UPF2: variants seen among roughly 807,000 people sequenced by gnomAD.
The protein encoded by UPF2 is regulator of nonsense transcripts 2.
In UPF2, 17 loss-of-function variants were observed where a neutral mutation model predicts 141.4. The observed-to-expected ratio is 0.12, with a 90% CI of 0.08 to 0.18. The LOEUF (loss-of-function observed/expected upper bound fraction) is 0.18. Among genes scored for constraint, UPF2 ranks in the 10% least tolerant of loss-of-function variants. The pLI is 1.00. For missense variants in UPF2, 1,152 were observed against 1,515.9 expected (o/e 0.76, Z 3.99); for synonymous variants, 540 against 498.0 (o/e 1.08, Z -1.12).
chr10:11,943,660 T>G (rs1832964673), intron 16 of UPF2, among the ~76,000 whole-genome samples: 1 of 152,164 alleles, frequency 6.6e-6, no homozygotes, highest in Non-Finnish European at 1.5e-5. Flanking sequence ...TACCCAAGTC[T>G]GAGGATGGAA....
rs183052466 is a variant in UPF2 at position 11,975,665 on chromosome 10, C to T, written c.1953+3392G>A. 1.6e-3 allele frequency among the ~76,000 whole-genome samples: 237 copies of T among 151,732 alleles called. 1 individual carries two copies. Among genetic ancestry groups the T allele is most frequent in the African/African-American group, 5.3e-3 (219 of 41,422 alleles). Reference sequence around the variant, plus strand: ...CTGGGATTACAGGCATGTGCCACCACGCCCGGCTAATTTTGTTGTTTTTTT... The same window carrying T: ...CTGGGATTACAGGCATGTGCCACCATGCCCGGCTAATTTTGTTGTTTTTTT... On this transcript the variant is annotated intron_variant, in intron 9 of 21. Transcript: ENST00000357604.
At chr10:11,982,648 C>G (rs976890341) in intron 8 of UPF2, among the ~76,000 whole-genome samples, 1 of 152,082 alleles carries the variant, frequency 6.6e-6, no homozygotes, top group Non-Finnish European at 1.5e-5. Context: ...TTTTTTGAGA[C>G]AGAGTTTCAC....
intron 4 of UPF2, among the ~76,000 whole-genome samples, chr10:12,008,463 T>C (rs1218349816): frequency 5.3e-5 from 8 of 151,582 alleles, no homozygotes; most frequent in African/African-American, 1.9e-4. Context: ...ACCCTATCTC[T>C]ACTAAAAATA....
intron 8 of UPF2, among the ~76,000 whole-genome samples, chr10:11,981,748 C>T (rs185620565): frequency 6.6e-6 from 1 of 151,972 alleles, no homozygotes; most frequent in Admixed American, 6.6e-5. Context: ...TGCAGTGGTA[C>T]AATCTCGGCT....
chr10:12,026,456 C>T (rs1834421254), intron 3 of UPF2, among the ~76,000 whole-genome samples: 1 of 151,888 alleles, frequency 6.6e-6, no homozygotes, highest in Non-Finnish European at 1.5e-5. Context: ...AACATGGAGA[C>T]GAGAAAAGGG....
At chr10:11,929,134 A>G (rs1033282090) in intron 21 of UPF2, among the ~76,000 whole-genome samples, 25 of 152,252 alleles carry the variant, frequency 1.6e-4, no homozygotes, top group Non-Finnish European at 2.4e-4. Flanking sequence ...GCGACAGAGC[A>G]AGACTGTGTC....
In UPF2 at chr10:12,014,311, A is replaced by G; in HGVS notation, c.1146-127T>C. On this transcript the variant is annotated intron_variant, in intron 3 of 21. Coordinates refer to ENST00000357604, the MANE Select transcript of UPF2 (RefSeq NM_015542.4). This position sits in a 1 kb window ranked among gnomAD's most constrained non-coding sequence, Gnocchi z 5.0. ...TTAGTAAAATCTTCATTTTTATTTA[A>G]CATTTGAATCTAGTATTTTCAAAAT... is the stretch of plus-strand genomic sequence containing the variant. The G allele has an allele frequency of 2.1e-6, 2 of 944,748 alleles. No homozygotes were observed. Among genetic ancestry groups the G allele is most frequent in the Non-Finnish European group, 2.8e-6 (2 of 719,796 alleles). The allele number at this position is 944,748 out of a possible 1,614,324, so 58.5% of individuals were successfully genotyped here. A position where few individuals can be genotyped will look rare whatever the true frequency, so the allele number is the denominator to read the frequency against.
At chr10:12,032,365 G>T (rs1172688222) in intron 2 of UPF2, among the ~76,000 whole-genome samples, 1 of 151,754 alleles carries the variant, frequency 6.6e-6, no homozygotes, top group Non-Finnish European at 1.5e-5. Flanking sequence ...ATTTTCAGCT[G>T]CATTGAAAAC....
Position 11,964,000 on chromosome 10 carries a change from A to T in UPF2, c.2184+9T>A. ...CCTCTAGCTCTTACCAGCATCCTCA[A>T]GCCCTTACCAAAAGTACACTGGTCC... On this transcript the variant is annotated intron_variant, in intron 11 of 21. Coordinates refer to ENST00000357604, the MANE Select transcript of UPF2 (RefSeq NM_015542.4). The T allele has an allele frequency of 1.2e-6, 2 of 1,600,392 alleles. No homozygotes were observed. The highest frequency in any genetic ancestry group is 1.7e-6 in the Non-Finnish European group (2 of 1,168,554).
At chr10:11,974,020 T>G (rs1370577670) in intron 9 of UPF2, among the ~76,000 whole-genome samples, 1 of 152,244 alleles carries the variant, frequency 6.6e-6, no homozygotes, top group African/African-American at 2.4e-5. Flanking sequence ...TCCGTGAGCA[T>G]GGAATGTTCT....
Position 11,927,386 on chromosome 10 carries a change from T to C in UPF2, c.3809+2479A>G, listed in dbSNP as rs896141894. ...CTGGTGCAAAAGTAATTGCAGTTTT[T>C]CCCATTACTTTTATTGGCAAAAACC... On this transcript the variant is annotated intron_variant, in intron 21 of 21. Transcript: ENST00000357604. Among the ~76,000 whole-genome samples, 4 of 152,360 alleles carry C rather than the reference T, an allele frequency of 2.6e-5. No homozygotes were observed. The South Asian group carries it at 6.2e-4, about 24-fold the overall frequency.
intron 8 of UPF2, among the ~76,000 whole-genome samples, chr10:11,986,673 A>G (rs1588554164): frequency 6.6e-6 from 1 of 152,348 alleles, no homozygotes; most frequent in African/African-American, 2.4e-5. Flanking sequence ...GCAGAAGATG[A>G]TTCCTAAAAA....
At chr10:12,027,667 C>A (rs966774283) in intron 3 of UPF2, among the ~76,000 whole-genome samples, 1 of 152,138 alleles carries the variant, frequency 6.6e-6, no homozygotes, top group Non-Finnish European at 1.5e-5. Context: ...ACACCTTTGC[C>A]GTCTTAAATT....
Position 11,920,273 on chromosome 10 carries a change from A to G in UPF2, c.*1025T>C, listed in dbSNP as rs1832622870. ...GCCTGCTGGAAAGCAAACCAAAGAC[A>G]GCTGTCCTAAGAAATTAACAGATTG... On this transcript the variant is annotated 3_prime_UTR_variant, in exon 22 of 22. Transcript: ENST00000357604. 6.6e-6 allele frequency: 1 copy of G among 152,188 alleles called. No homozygotes were observed. The highest frequency in any genetic ancestry group is 1.5e-5 in the Non-Finnish European group (1 of 68,028). 9.4% of individuals were successfully genotyped at this position (152,188 alleles called of 1,614,324 possible). A position where few individuals can be genotyped will look rare whatever the true frequency, so the allele number is the denominator to read the frequency against.
intron 21 of UPF2, among the ~76,000 whole-genome samples, chr10:11,928,235 G>A (rs1277585065): frequency 6.6e-6 from 1 of 152,100 alleles, no homozygotes; most frequent in African/African-American, 2.4e-5. Context: ...TACTTGGGAG[G>A]CTGAGGCAGG....
At chr10:11,944,195 GT>G (rs1832972434) in intron 16 of UPF2, among the ~76,000 whole-genome samples, 1 of 152,068 alleles carries the variant, frequency 6.6e-6, no homozygotes, top group Non-Finnish European at 1.5e-5. Flanking sequence ...AAATGAAAAC[GT>G]TTCAAAAACG....
intron 18 of UPF2, among the ~76,000 whole-genome samples, chr10:11,938,476 T>TA (rs1000356029): frequency 5.3e-5 from 8 of 152,182 alleles, no homozygotes; most frequent in African/African-American, 1.7e-4. Flanking sequence ...GCTGGACTGA[T>TA]AGACATTTAC....
intron 15 of UPF2, among the ~76,000 whole-genome samples, chr10:11,950,842 G>A (rs143319853): frequency 9.1e-4 from 138 of 152,320 alleles, no homozygotes; most frequent in African/African-American, 3.1e-3. Flanking sequence ...ATGCCTTTAC[G>A]GGTTAAGTTG....
At position 11,959,940 on chromosome 10, in the gene UPF2, A is replaced by G. The variant is rs1329673072; in HGVS notation, c.2185-584T>C. Among the ~76,000 whole-genome samples, 3 of 152,198 alleles carry G rather than the reference A, an allele frequency of 2.0e-5. No homozygotes were observed. Among genetic ancestry groups the G allele is most frequent in the Non-Finnish European group, 2.9e-5 (2 of 68,036 alleles). On this transcript the variant is annotated intron_variant, in intron 11 of 21. Transcript: ENST00000357604. This position sits in a 1 kb window ranked among gnomAD's most constrained non-coding sequence, Gnocchi z 5.9. ...TAAAATACTAGAGAACTTTACTACC[A>G]AGGTAACTTCTTTCATAACTTTGTG...
Sources: allele counts gnomAD v4.1 joint callset (sites outside exome capture counted in the v4.1 genomes callset), GRCh38; gene constraint gnomAD v4.1.1; non-coding constraint Gnocchi (gnomAD v3.1); transcripts MANE v1.5; gene names NCBI Gene and HGNC (gene_info 2026-07-23, HGNC 2026-07-21).